The following ADGRV1 variants were observed in gnomAD, a reference collection of about 807,000 sequenced individuals.
ADGRV1 encodes G-protein coupled receptor 98.
Under a neutral mutation model 596.2 loss-of-function variants are expected in ADGRV1, and 359 were observed. The ratio of observed to expected loss-of-function variants is 0.60; its 90% confidence interval spans 0.55 to 0.66. The LOEUF (loss-of-function observed/expected upper bound fraction) is 0.66. Among genes scored for constraint, ADGRV1 ranks in the 30% least tolerant of loss-of-function variants. The pLI is 0.00. For missense variants in ADGRV1, 7,274 were observed against 7,575.6 expected (o/e 0.96, Z 1.48); for synonymous variants, 2,681 against 2,679.2 (o/e 1.00, Z -0.02).
chr5:91,133,039 G>A (rs1309385901), intron 87 of ADGRV1, among the ~76,000 whole-genome samples: 2 of 152,194 alleles, frequency 1.3e-5, no homozygotes, highest in Non-Finnish European at 2.9e-5. Context: ...TAGGAGAGGA[G>A]GGGAAGAGAC....
chr5:90,595,940 C>T (rs1760450235), intron 1 of ADGRV1, among the ~76,000 whole-genome samples: 3 of 151,668 alleles, frequency 2.0e-5, no homozygotes, highest in South Asian at 2.1e-4. Context: ...GGAGACGCTC[C>T]TCACTTCCCA....
chr5:90,794,890 T>G lies in ADGRV1; in HGVS notation c.14517+3544T>G, dbSNP rs574218226. ...GGAAGCACAAGGGGTTGGGGAATTT[T>G]TGCCCCTACCCAAGGGAAGCCATGA... is the stretch of plus-strand genomic sequence containing the variant. On this transcript the variant is annotated intron_variant, in intron 70 of 89. Coordinates refer to ENST00000405460, the MANE Select transcript of ADGRV1 (RefSeq NM_032119.4). 3.3e-5 allele frequency among the ~76,000 whole-genome samples: 5 copies of G among 151,750 alleles called. No homozygotes were observed. In the East Asian group the frequency reaches 1.0e-3, roughly 31 times the overall value.
intron 83 of ADGRV1, among the ~76,000 whole-genome samples, chr5:90,867,518 C>T (rs1441856489): frequency 2.0e-5 from 3 of 152,140 alleles, no homozygotes; most frequent in African/African-American, 4.8e-5. Flanking sequence ...CTCAGACACC[C>T]TTGCGAAAAG....
chr5:90,791,519 AGTATATTACTATTT>A lies in ADGRV1; in HGVS notation c.14517+175_14517+188del. ...GATAATACATTTGCAGATTATAATA[AGTATATTACTATTT>A]GGATGGAGATAATAGATTTTTGTGT... On this transcript the variant is annotated intron_variant, in intron 70 of 89. Coordinates refer to ENST00000405460, the MANE Select transcript of ADGRV1 (RefSeq NM_032119.4). The A allele has an allele frequency of 5.2e-6, 3 of 576,360 alleles. No individual in the cohort carries two copies. In the Admixed American group the frequency reaches 9.3e-5, roughly 18 times the overall value. The allele number at this position is 576,360 out of a possible 1,614,324, so 35.7% of individuals were successfully genotyped here. A position where few individuals can be genotyped will look rare whatever the true frequency, so the allele number is the denominator to read the frequency against.
intron 57 of ADGRV1, 26 bp downstream of exon 57, chr5:90,757,187 C>T (rs752951834): frequency 1.2e-6 from 2 of 1,601,920 alleles, no homozygotes; most frequent in South Asian, 2.2e-5. Context: ...ACATATTAGC[C>T]TTTTTGAGTT....
chr5:91,156,832 T>C (rs1796519675), intron 89 of ADGRV1, among the ~76,000 whole-genome samples: 1 of 152,228 alleles, frequency 6.6e-6, no homozygotes, highest in African/African-American at 2.4e-5. Flanking sequence ...CTACATGCCA[T>C]TTTGTCTACA....
intron 83 of ADGRV1, among the ~76,000 whole-genome samples, chr5:90,927,779 C>T (rs1452659380): frequency 6.6e-6 from 1 of 152,042 alleles, no homozygotes; most frequent in East Asian, 1.9e-4. Flanking sequence ...CTGGTTGTTC[C>T]TTTCCATGTT....
intron 60 of ADGRV1, among the ~76,000 whole-genome samples, chr5:90,774,556 T>G (rs1346003411): frequency 6.6e-6 from 1 of 152,172 alleles, no homozygotes; most frequent in Non-Finnish European, 1.5e-5. Context: ...AGATGTTTAT[T>G]GTAGCAGTGT....
chr5:90,826,008 G>A (rs1012678257), intron 76 of ADGRV1, among the ~76,000 whole-genome samples: 14 of 152,054 alleles, frequency 9.2e-5, no homozygotes, highest in African/African-American at 3.1e-4. Flanking sequence ...AACAAGCAAG[G>A]TTAATATATA....
intron 83 of ADGRV1, among the ~76,000 whole-genome samples, chr5:90,877,153 G>A (rs1447304445): frequency 6.6e-6 from 1 of 152,190 alleles, no homozygotes; most frequent in African/African-American, 2.4e-5. Context: ...TCACCAGGAA[G>A]AATCTACATA....
Position 91,164,114 on chromosome 5 carries a change from T to C in ADGRV1, c.*214T>C. ...AAAGGTGGAGTCAGTTTGTATCAGT[T>C]AATAGGATGTTCATATTCCAAGGAT... On this transcript the variant is annotated 3_prime_UTR_variant, in exon 90 of 90. Transcript: ENST00000405460. 2 of 644,564 alleles carry C rather than the reference T, an allele frequency of 3.1e-6. No individual in the cohort carries two copies. Among genetic ancestry groups the C allele is most frequent in the Non-Finnish European group, 5.7e-6 (2 of 350,682 alleles). 39.9% of individuals were successfully genotyped at this position (644,564 alleles called of 1,614,324 possible). A position where few individuals can be genotyped will look rare whatever the true frequency, so the allele number is the denominator to read the frequency against.
At chr5:90,622,778 T>C in intron 5 of ADGRV1, 77 bp downstream of exon 5, 1 of 648,794 alleles carries the variant, frequency 1.5e-6, no homozygotes, top group Non-Finnish European at 2.4e-6. Flanking sequence ...TCTTGCTCTG[T>C]TGCCCAAGCT....
At chr5:90,959,945 C>T (rs557878491) in intron 83 of ADGRV1, among the ~76,000 whole-genome samples, 48 of 152,106 alleles carry the variant, frequency 3.2e-4, no homozygotes, top group African/African-American at 1.0e-3. Context: ...CAAGACCATC[C>T]TGGCTAACAC....
At chr5:91,129,778 TA>T (rs1432627349) in intron 87 of ADGRV1, among the ~76,000 whole-genome samples, 1 of 152,330 alleles carries the variant, frequency 6.6e-6, no homozygotes, top group African/African-American at 2.4e-5. Flanking sequence ...TGATCCAGTC[TA>T]CGGCACACCT....
intron 85 of ADGRV1, among the ~76,000 whole-genome samples, chr5:91,012,330 C>A (rs149320061): frequency 3.6e-4 from 55 of 152,042 alleles, no homozygotes; most frequent in African/African-American, 1.3e-3. Context: ...TTACGCTTTC[C>A]TTTCTCCGCC....
intron 9 of ADGRV1, chr5:90,629,816 A>C: frequency 3.6e-6 from 1 of 279,776 alleles, no homozygotes; most frequent in Non-Finnish European, 6.8e-6. Context: ...TCAGACTGTC[A>C]TGGATGACAT....
chr5:90,583,915 T>C (rs1442151740), intron 1 of ADGRV1, among the ~76,000 whole-genome samples: 1 of 152,224 alleles, frequency 6.6e-6, no homozygotes, highest in Non-Finnish European at 1.5e-5. Context: ...TTGAAAATGA[T>C]CTTTCCCATA....
At chr5:90,911,612 A>G (rs185652377) in intron 83 of ADGRV1, among the ~76,000 whole-genome samples, 1 of 152,314 alleles carries the variant, frequency 6.6e-6, no homozygotes, top group Non-Finnish European at 1.5e-5. Context: ...AGTCACACAA[A>G]AGTTGACCTT....
intron 83 of ADGRV1, among the ~76,000 whole-genome samples, chr5:90,868,178 C>T (rs1469200623): frequency 6.6e-6 from 1 of 152,032 alleles, no homozygotes; most frequent in African/African-American, 2.4e-5. Flanking sequence ...CCCAAAACAT[C>T]TCTGGTTGTT....
Sources: gnomAD v4.1 joint callset for allele counts (sites outside exome capture counted in the v4.1 genomes callset) on GRCh38, gnomAD v4.1.1 for gene constraint, MANE v1.5 for transcripts, NCBI Gene and HGNC (gene_info 2026-07-23, HGNC 2026-07-21) for gene names.